Variants in HHAT observed in about 807,000 individuals in gnomAD.
HHAT encodes the protein protein-cysteine N-palmitoyltransferase HHAT.
A neutral mutation model predicts 70.8 loss-of-function variants in HHAT; 47 were observed. The observed-to-expected ratio is 0.66, with a 90% CI of 0.53 to 0.85. The LOEUF (loss-of-function observed/expected upper bound fraction) is 0.85, where lower values mean the gene tolerates loss of function less well. Among genes scored for constraint, HHAT ranks in the 40% least tolerant of loss-of-function variants. The pLI is 0.00. For missense variants in HHAT, 609 were observed against 604.8 expected (o/e 1.01, Z -0.07); for synonymous variants, 228 against 247.6 (o/e 0.92, Z 0.74).
chr1:210,394,592 G>A (rs1163927863), intron 4 of HHAT, among the ~76,000 whole-genome samples: 2 of 152,008 alleles, frequency 1.3e-5, no homozygotes, highest in African/African-American at 4.8e-5. Context: ...GAGGGTGGGT[G>A]CTGTTGCTAA....
At chr1:210,430,149 T>C (rs1296661441) in intron 7 of HHAT, among the ~76,000 whole-genome samples, 2 of 151,954 alleles carry the variant, frequency 1.3e-5, no homozygotes, top group Non-Finnish European at 2.9e-5. Flanking sequence ...TTTTGGATGC[T>C]AAAATTGTCC....
At chr1:210,389,557 G>C (rs1009616216) in intron 4 of HHAT, among the ~76,000 whole-genome samples, 1 of 152,178 alleles carries the variant, frequency 6.6e-6, no homozygotes, top group African/African-American at 2.4e-5. Flanking sequence ...GTTCTTATGA[G>C]ATCTCGTTGT....
chr1:210,423,576 T>G (rs1341344650), intron 7 of HHAT, among the ~76,000 whole-genome samples: 1 of 152,198 alleles, frequency 6.6e-6, no homozygotes, highest in Non-Finnish European at 1.5e-5. Context: ...CCCATTTGTT[T>G]ATTTTTGCTT....
Position 210,551,599 on chromosome 1 carries a change from A to T in HHAT, c.1044-36299A>T, listed in dbSNP as rs537403674. On this transcript the variant is annotated intron_variant, in intron 9 of 11. Coordinates refer to ENST00000261458, the MANE Select transcript of HHAT (RefSeq NM_018194.6). Reference sequence around the variant, plus strand: ...CATCACAAGGAACTACTTAATCAAAATGACAGGAATCTTCTCAGTTATATG... The same window carrying T: ...CATCACAAGGAACTACTTAATCAAATTGACAGGAATCTTCTCAGTTATATG... 1.7e-4 allele frequency among the ~76,000 whole-genome samples: 26 copies of T among 152,328 alleles called. No homozygotes were observed. The East Asian group carries it at 4.4e-3, about 26-fold the overall frequency.
At chr1:210,369,071 T>A (rs993000751) in intron 3 of HHAT, among the ~76,000 whole-genome samples, 2 of 151,262 alleles carry the variant, frequency 1.3e-5, no homozygotes, top group African/African-American at 4.9e-5. Flanking sequence ...AGAGTGAAAC[T>A]CTGTCTCAAA....
At chr1:210,662,737 C>A (rs1038597295) in intron 11 of HHAT, among the ~76,000 whole-genome samples, 1 of 151,848 alleles carries the variant, frequency 6.6e-6, no homozygotes, top group Non-Finnish European at 1.5e-5. Flanking sequence ...TTCTCCTCCC[C>A]ACTCCCTGCA....
intron 8 of HHAT, among the ~76,000 whole-genome samples, chr1:210,467,660 G>A (rs968017097): frequency 3.3e-5 from 5 of 152,144 alleles, no homozygotes; most frequent in Non-Finnish European, 4.4e-5. Flanking sequence ...TGACATAAAG[G>A]GCATGGTGGA....
chr1:210,535,422 A>ATTGTGTGT (rs1292008588), intron 9 of HHAT, among the ~76,000 whole-genome samples: 1 of 146,764 alleles, frequency 6.8e-6, no homozygotes, highest in Non-Finnish European at 1.5e-5. Flanking sequence ...ACTGGGAAAC[A>ATTGTGTGT]TTGTGTGTTT....
intron 9 of HHAT, among the ~76,000 whole-genome samples, chr1:210,539,954 T>C (rs11119536): frequency 0.066 from 9,985 of 152,286 alleles, 652 homozygotes; most frequent in East Asian, 0.3. Flanking sequence ...CAGCCTTTAA[T>C]TGAAAACATT....
At chr1:210,598,032 T>G (rs1663396823) in intron 10 of HHAT, among the ~76,000 whole-genome samples, 1 of 151,856 alleles carries the variant, frequency 6.6e-6, no homozygotes, top group African/African-American at 2.4e-5. Flanking sequence ...AGGGCTCTTT[T>G]GTCAACAGGT....
intron 7 of HHAT, among the ~76,000 whole-genome samples, chr1:210,458,535 A>T (rs2093916595): frequency 6.6e-6 from 1 of 152,146 alleles, no homozygotes; most frequent in Admixed American, 6.5e-5. Context: ...TGGCACTTAG[A>T]TGGGTAATGG....
At chr1:210,450,982 G>A in intron 7 of HHAT, among the ~76,000 whole-genome samples, 1 of 151,768 alleles carries the variant, frequency 6.6e-6, no homozygotes, top group Admixed American at 6.6e-5. Flanking sequence ...AGCTACTTGG[G>A]AGGCTGAGGC....
intron 3 of HHAT, among the ~76,000 whole-genome samples, chr1:210,365,199 T>TTAGA (rs2088791741): frequency 1.3e-5 from 2 of 152,138 alleles, no homozygotes; most frequent in Non-Finnish European, 2.9e-5. Flanking sequence ...AAAGAAGATA[T>TTAGA]TAGATGTGAC....
At chr1:210,635,216 A>T (rs1558322703) in intron 11 of HHAT, among the ~76,000 whole-genome samples, 2 of 152,128 alleles carry the variant, frequency 1.3e-5, no homozygotes, top group East Asian at 3.9e-4. Flanking sequence ...CTGTACAAAG[A>T]TATGGAGGTA....
At chr1:210,591,628 T>G (rs1661724714) in intron 10 of HHAT, among the ~76,000 whole-genome samples, 1 of 152,128 alleles carries the variant, frequency 6.6e-6, no homozygotes. Context: ...TGTGAACTGT[T>G]TTCCATACCG....
At chr1:210,622,520 T>G (rs1378297595) in intron 10 of HHAT, among the ~76,000 whole-genome samples, 1 of 152,072 alleles carries the variant, frequency 6.6e-6, no homozygotes, top group Non-Finnish European at 1.5e-5. Flanking sequence ...CTTTATGAAA[T>G]CCCTGGGAAA....
At chr1:210,409,151 C>T (rs1469108547) in intron 6 of HHAT, among the ~76,000 whole-genome samples, 2 of 152,188 alleles carry the variant, frequency 1.3e-5, no homozygotes, top group African/African-American at 4.8e-5. Flanking sequence ...CAGGCACACA[C>T]CATTGTGCCT....
Position 210,660,332 on chromosome 1 carries a change from A to T in HHAT, c.1391-13956A>T, listed in dbSNP as rs189247428. On this transcript the variant is annotated intron_variant, in intron 11 of 11. Coordinates refer to ENST00000261458, the MANE Select transcript of HHAT (RefSeq NM_018194.6). Reference sequence around the variant, plus strand: ...ATTCACAATTGCTTCAAAGAGAATAAAATACCCAGGAATCCAACTTACAAG... The same window carrying T: ...ATTCACAATTGCTTCAAAGAGAATATAATACCCAGGAATCCAACTTACAAG... Among the ~76,000 whole-genome samples the T allele has an allele frequency of 3.9e-3, 600 of 152,308 alleles. 4 individuals carry two copies. The highest frequency in any genetic ancestry group is 0.014 in the African/African-American group (572 of 41,584).
At chr1:210,433,499 G>A (rs968127496) in intron 7 of HHAT, among the ~76,000 whole-genome samples, 2 of 151,868 alleles carry the variant, frequency 1.3e-5, no homozygotes, top group Non-Finnish European at 2.9e-5. Context: ...TTGATTTGAT[G>A]TGGTTAATCA....
Sources: allele counts gnomAD v4.1 joint callset (sites outside exome capture counted in the v4.1 genomes callset), GRCh38; gene constraint gnomAD v4.1.1; transcripts MANE v1.5; gene names NCBI Gene and HGNC (gene_info 2026-07-23, HGNC 2026-07-21).